The following NSD1 variants were observed in gnomAD, a reference collection of about 807,000 sequenced individuals.
The protein encoded by NSD1 is histone-lysine N-methyltransferase, H3 lysine-36 specific.
Under a neutral mutation model 242.7 loss-of-function variants are expected in NSD1, and 26 were observed. The observed-to-expected ratio is 0.11, with a 90% CI of 0.08 to 0.15. The LOEUF (loss-of-function observed/expected upper bound fraction) is 0.15, where lower values mean the gene tolerates loss of function less well. Ranked by LOEUF, NSD1 falls within the 10% of genes least tolerant of loss-of-function variation. NSD1 has a pLI of 1.00. For synonymous variants in NSD1, 1,106 were observed against 1,178.1 expected, an observed-to-expected ratio of 0.94 and a Z score of 1.25; for missense variants, 2,495 against 3,272.8, an observed-to-expected ratio of 0.76 and a Z score of 5.80.
chr5:177,224,063 GTAAT>G (rs1326616600), intron 5 of NSD1, among the ~76,000 whole-genome samples: 1 of 151,814 alleles, frequency 6.6e-6, no homozygotes, highest in Non-Finnish European at 1.5e-5. Flanking sequence ...TATTTTTGTA[GTAAT>G]TAATTTTACT....
chr5:177,207,195 A>C (rs1317178937), intron 4 of NSD1, among the ~76,000 whole-genome samples: 1 of 150,806 alleles, frequency 6.6e-6, no homozygotes, highest in African/African-American at 2.5e-5. Context: ...CATCCCCCCG[A>C]CCTTGGCCTC....
In NSD1 at chr5:177,248,214, C is replaced by A. The variant is rs1766451673; in HGVS notation, c.4531C>A (p.Pro1511Thr). The A allele has an allele frequency of 1.2e-6, 2 of 1,613,956 alleles. No homozygotes were observed. The highest frequency in any genetic ancestry group is 1.1e-5 in the South Asian group (1 of 91,072). ...ELMPHRTATS[P>T]KETVEEGVEH... ...AATGCCTCACAGGACGGCCACAAGC[C>A]CCAAGGAGACTGTTGAGGAAGGTGT... Residue 1511 changes from proline to threonine, a missense_variant, in exon 11 of 23, where the codon CCC becomes ACC. This residue lies in a region of NSD1 where 97 missense variants were observed against 97.7 expected (regional missense o/e 0.99). Transcript: ENST00000439151.
intron 4 of NSD1, among the ~76,000 whole-genome samples, chr5:177,205,969 A>G (rs1322132897): frequency 2.6e-5 from 4 of 152,132 alleles, no homozygotes; most frequent in Middle Eastern, 3.4e-3. Flanking sequence ...GACTACAGAT[A>G]TGTATGACTA....
intron 2 of NSD1, among the ~76,000 whole-genome samples, chr5:177,140,680 C>G (rs1756735366): frequency 6.6e-6 from 1 of 151,208 alleles, no homozygotes; most frequent in African/African-American, 2.4e-5. Context: ...GATTCTGTCT[C>G]TTAAAAAAAA....
chr5:177,272,688 A>G (rs1233141626), intron 16 of NSD1, among the ~76,000 whole-genome samples: 1 of 152,116 alleles, frequency 6.6e-6, no homozygotes, highest in Non-Finnish European at 1.5e-5. Context: ...TTAGGAGTTT[A>G]AGGCCAGACT....
chr5:177,182,696 G>A (rs932991261), intron 2 of NSD1, among the ~76,000 whole-genome samples: 1 of 151,878 alleles, frequency 6.6e-6, no homozygotes, highest in East Asian at 1.9e-4. Context: ...GAGTGCAATG[G>A]CGCAATCTCA....
At chr5:177,290,450 C>T (rs1441479939) in intron 21 of NSD1, among the ~76,000 whole-genome samples, 2 of 151,172 alleles carry the variant, frequency 1.3e-5, no homozygotes, top group African/African-American at 4.9e-5. Flanking sequence ...CTCTGTTGCC[C>T]AGGCTGAAGT....
At chr5:177,256,700 T>C (rs568650926) in intron 12 of NSD1, among the ~76,000 whole-genome samples, 206 of 152,352 alleles carry the variant, frequency 1.4e-3, no homozygotes, top group African/African-American at 4.7e-3. Context: ...AATTTCAGTT[T>C]TTTCTTTTTT....
chr5:177,295,236 G>T lies in NSD1; in HGVS notation c.7868G>T (p.Ser2623Ile). ...EEKKLVTTEQSPWALGKASSR... is the reference protein window; with the variant it reads ...EEKKLVTTEQIPWALGKASSR... ...AAGAAGTTGGTAACCACAGAGCAAA[G>T]TCCCTGGGCCCTGGGAAAAGCCTCA... The change falls in exon 23 of 23, where the codon AGT becomes ATT. Residue 2623 changes from serine (S) to isoleucine (I), a missense_variant. By Grantham distance (142) the Ser-to-Ile change is moderately radical. Transcript: ENST00000439151. This position sits in a 1 kb window ranked among gnomAD's most constrained non-coding sequence, Gnocchi z 4.3. 1 of 1,614,236 alleles carries T rather than the reference G, an allele frequency of 6.2e-7. No homozygotes were observed. The highest frequency in any genetic ancestry group is 8.5e-7 in the Non-Finnish European group (1 of 1,180,042).
In NSD1 at chr5:177,299,988, A is replaced by ACAT. The variant is rs1760497090; in HGVS notation, c.*4531_*4533dup. Reference sequence around the variant, plus strand: ...TGGCAAAGAGGCAAGCTGACGATAGACATCTACCTATATTGTTAAGAAAGG... The same window carrying ACAT: ...TGGCAAAGAGGCAAGCTGACGATAGACATCATCTACCTATATTGTTAAGAAAGG... On this transcript the variant is annotated 3_prime_UTR_variant, in exon 23 of 23. Coordinates refer to ENST00000439151, the MANE Select transcript of NSD1 (RefSeq NM_022455.5). The ACAT allele has an allele frequency of 4.3e-6, 1 of 231,404 alleles. No individual in the cohort carries two copies. Among genetic ancestry groups the ACAT allele is most frequent in the Admixed American group, 5.7e-5 (1 of 17,646 alleles). 14.3% of individuals were successfully genotyped at this position (231,404 alleles called of 1,614,324 possible).
At chr5:177,184,726 C>T (rs1264620561) in intron 2 of NSD1, among the ~76,000 whole-genome samples, 1 of 151,976 alleles carries the variant, frequency 6.6e-6, no homozygotes, top group Non-Finnish European at 1.5e-5. Context: ...TGTGTGCACG[C>T]AAGGATGGGA....
intron 2 of NSD1, among the ~76,000 whole-genome samples, chr5:177,146,528 A>G (rs906011730): frequency 2.6e-5 from 4 of 152,064 alleles, no homozygotes; most frequent in Non-Finnish European, 5.9e-5. Context: ...ATTGACGTTC[A>G]TGTAATTTAT....
intron 17 of NSD1, among the ~76,000 whole-genome samples, chr5:177,279,610 ATTTTTTTTT>A (rs536478404): frequency 5.2e-5 from 5 of 95,416 alleles, no homozygotes; most frequent in South Asian, 3.8e-4. Flanking sequence ...AGCTTTGAAA[ATTTTTTTTT>A]TTTTTTTTTT....
At position 177,294,759 on chromosome 5, in the gene NSD1, G is replaced by A. The variant is rs587784216; in HGVS notation, c.7391G>A (p.Arg2464His). ...LVMDLIDLTP[R>H]QKERAASPHQ... is the part of the protein sequence containing the mutation. The stretch of plus-strand genomic sequence containing the variant: ...ATGGATCTCATAGACCTAACTCCTC[G>A]CCAGAAGGAGCGGGCAGCTTCACCT... Residue 2464 changes from arginine to histidine, a missense_variant, in exon 23 of 23, where the codon CGC (arginine) becomes CAC (histidine). Coordinates refer to ENST00000439151, the MANE Select transcript of NSD1 (RefSeq NM_022455.5). 1.9e-5 allele frequency: 30 copies of A among 1,614,022 alleles called. No homozygotes were observed. The highest frequency in any genetic ancestry group is 8.8e-5 in the South Asian group (8 of 91,080).
chr5:177,137,083 A>G, intron 2 of NSD1: 2 of 415,624 alleles, frequency 4.8e-6, no homozygotes, highest in East Asian at 3.5e-5. Flanking sequence ...AGGGTGATAA[A>G]TGATAACATT....
intron 5 of NSD1, among the ~76,000 whole-genome samples, chr5:177,221,417 T>A (rs1764224442): frequency 6.6e-6 from 1 of 152,080 alleles, no homozygotes; most frequent in African/African-American, 2.4e-5. Context: ...ACAGGTACAG[T>A]AATCTATTTT....
In NSD1 at chr5:177,269,886, A is replaced by G. The variant is rs1274014768; in HGVS notation, c.5509+79A>G. 4.6e-5 allele frequency: 59 copies of G among 1,274,690 alleles called. No individual in the cohort carries two copies. In the East Asian group the frequency reaches 1.1e-3, roughly 25 times the overall value. The allele number at this position is 1,274,690 out of a possible 1,614,324, so 79.0% of individuals were successfully genotyped here. ...GTCTGATCTGTTTTAGAATTCACAT[A>G]TGCTCCATTTTGAAACTGCCTTTGT... On this transcript the variant is annotated intron_variant, in intron 16 of 22. Transcript: ENST00000439151. The surrounding 1 kb of genome is among the most constrained non-coding windows in gnomAD (Gnocchi z 5.1).
intron 2 of NSD1, among the ~76,000 whole-genome samples, chr5:177,180,741 G>A (rs1286133338): frequency 6.6e-6 from 1 of 151,872 alleles, no homozygotes; most frequent in Non-Finnish European, 1.5e-5. Context: ...AGAGTGCAGT[G>A]ACATGATCTC....
At chr5:177,161,831 A>G (rs2149789803) in intron 2 of NSD1, among the ~76,000 whole-genome samples, 1 of 151,904 alleles carries the variant, frequency 6.6e-6, no homozygotes, top group South Asian at 2.1e-4. Context: ...TTGTATTTTT[A>G]GTAGAGATGG....
Sources: allele counts gnomAD v4.1 joint callset (sites outside exome capture counted in the v4.1 genomes callset), GRCh38; gene constraint gnomAD v4.1.1; regional missense constraint gnomAD v4.1.1; non-coding constraint Gnocchi (gnomAD v3.1); transcripts MANE v1.5; gene names NCBI Gene and HGNC (gene_info 2026-07-23, HGNC 2026-07-21).